The following PEDS1 variants were observed in gnomAD, a reference collection of about 807,000 sequenced individuals.
PEDS1 encodes the protein CarF homolog.
A neutral mutation model predicts 35.2 loss-of-function variants in PEDS1; 14 were observed. That is an observed-to-expected ratio of 0.40 (90% CI 0.26 to 0.62). The LOEUF (loss-of-function observed/expected upper bound fraction) is 0.62. PEDS1 is among the 20% of genes least tolerant of loss of function. The probability of loss-of-function intolerance (pLI) is 0.44; values close to 1 mark genes in which losing one functional copy is unlikely to be tolerated. For missense variants in PEDS1, 260 were observed against 367.8 expected (o/e 0.71, Z 2.40); for synonymous variants, 152 against 152.0 (o/e 1.00, Z 0.00).
Position 50,125,110 on chromosome 20 carries a change from G to A in PEDS1, c.761C>T (p.Thr254Met), listed in dbSNP as rs201575410. The change falls in exon 6 of 6, where the codon ACG becomes ATG. Residue 254 changes from threonine (T) to methionine (M), a missense_variant. This residue lies in a region of PEDS1 where 83 missense variants were observed against 142.8 expected (regional missense o/e 0.58). Coordinates refer to ENST00000371652, the MANE Select transcript of PEDS1 (RefSeq NM_199129.4). ...RRLEDLIQGL[T>M]GEKPRADDMK... is the part of the protein sequence containing the mutation. ...GTCATCTGCCCGAGGCTTCTCGCCCGTCAGGCCCTGGATGAGGTCCTCCAG... is the reference window on the plus strand; with the variant it reads ...GTCATCTGCCCGAGGCTTCTCGCCCATCAGGCCCTGGATGAGGTCCTCCAG... The A allele has an allele frequency of 6.9e-5, 112 of 1,614,030 alleles. No homozygotes were observed. The highest frequency in any genetic ancestry group is 8.8e-5 in the South Asian group (8 of 91,088).
In PEDS1 at chr20:50,122,970, G is replaced by A. The variant is rs1321544936; in HGVS notation, c.*2088C>T. Reference sequence around the variant, plus strand: ...AAAAATAGCCAAGCCAGGTGTGGCGGCATGTGCTAGTCCCAGCCACTCATG... The same window carrying A: ...AAAAATAGCCAAGCCAGGTGTGGCGACATGTGCTAGTCCCAGCCACTCATG... On this transcript the variant is annotated 3_prime_UTR_variant, in exon 6 of 6. Coordinates refer to ENST00000371652, the MANE Select transcript of PEDS1 (RefSeq NM_199129.4). The A allele has an allele frequency of 6.6e-6, 1 of 151,858 alleles. No homozygotes were observed. Among genetic ancestry groups the A allele is most frequent in the Non-Finnish European group, 1.5e-5 (1 of 68,028 alleles). 9.4% of individuals were successfully genotyped at this position (151,858 alleles called of 1,614,324 possible).
intron 2 of PEDS1, among the ~76,000 whole-genome samples, chr20:50,142,684 C>CG (rs1241090015): frequency 1.0e-4 from 7 of 66,910 alleles, no homozygotes; most frequent in South Asian, 9.0e-4. Context: ...AGTCATCCGC[C>CG]CCCCCCCCCC....
chr20:50,146,116 G>C (rs912301405), intron 1 of PEDS1, among the ~76,000 whole-genome samples: 1 of 152,218 alleles, frequency 6.6e-6, no homozygotes, highest in African/African-American at 2.4e-5. Flanking sequence ...GGCCAGGCAG[G>C]TCCCTGTGAA....
Position 50,119,581 on chromosome 20 carries a change from G to A in PEDS1, c.*5477C>T, listed in dbSNP as rs1442610860. 1 of 152,136 alleles carries A rather than the reference G, an allele frequency of 6.6e-6. No homozygotes were observed. The allele number at this position is 152,136 out of a possible 1,614,324, so 9.4% of individuals were successfully genotyped here. ...GTGAAAAAAGGCAAGGTGCAGAACT[G>A]TGTGCATAATATCCTACATATTGTG... On this transcript the variant is annotated 3_prime_UTR_variant, in exon 6 of 6. Transcript: ENST00000371652.
Position 50,141,660 on chromosome 20 carries a change from G to A in PEDS1, c.241+1842C>T, listed in dbSNP as rs2081292712. ...CTCGTAACCATCCCCAGATGAGGCTGCAAAGCTCAGACTGTATTCCTGCCC... is the reference window on the plus strand; with the variant it reads ...CTCGTAACCATCCCCAGATGAGGCTACAAAGCTCAGACTGTATTCCTGCCC... On this transcript the variant is annotated intron_variant, in intron 2 of 5. Coordinates refer to ENST00000371652, the MANE Select transcript of PEDS1 (RefSeq NM_199129.4). 2.0e-5 allele frequency among the ~76,000 whole-genome samples: 3 copies of A among 152,224 alleles called. No individual in the cohort carries two copies. In the South Asian group the frequency reaches 6.2e-4, roughly 31 times the overall value.
Position 50,131,099 on chromosome 20 carries a change from C to T in PEDS1, c.242-152G>A, listed in dbSNP as rs1052090976. 19 of 1,545,518 alleles carry T rather than the reference C, an allele frequency of 1.2e-5. 1 individual carries two copies. In the Admixed American group the frequency reaches 2.7e-4, roughly 22 times the overall value. ...GATGTTTTCTTCCCTGAAGATGGAGCCTCAGGCTTAACACTCCTCCTGCCT... is the reference window on the plus strand; with the variant it reads ...GATGTTTTCTTCCCTGAAGATGGAGTCTCAGGCTTAACACTCCTCCTGCCT... On this transcript the variant is annotated intron_variant, in intron 2 of 5. Coordinates refer to ENST00000371652, the MANE Select transcript of PEDS1 (RefSeq NM_199129.4).
At chr20:50,147,834 C>G (rs183307474) in intron 1 of PEDS1, among the ~76,000 whole-genome samples, 34 of 152,186 alleles carry the variant, frequency 2.2e-4, no homozygotes, top group African/African-American at 7.2e-4. Flanking sequence ...GTGGGCAGAT[C>G]ACGAGGTCAA....
intron 2 of PEDS1, among the ~76,000 whole-genome samples, chr20:50,142,451 A>G (rs2147295214): frequency 6.6e-6 from 1 of 152,186 alleles, no homozygotes; most frequent in African/African-American, 2.4e-5. Flanking sequence ...CAGGCCTGCT[A>G]TTTTGAGACG....
At chr20:50,133,386 C>A (rs1465214314) in intron 2 of PEDS1, among the ~76,000 whole-genome samples, 2 of 152,142 alleles carry the variant, frequency 1.3e-5, no homozygotes, top group Non-Finnish European at 2.9e-5. Context: ...GTGGCAGCTA[C>A]ACCTCCTGGC....
chr20:50,124,848 G>C lies in PEDS1; in HGVS notation c.*210C>G. Reference sequence around the variant, plus strand: ...TGCAGATAGAGCAACTCAGGTGGCTGAGGAGGGGCCGAGGAAAAAAAAAAA... The same window carrying C: ...TGCAGATAGAGCAACTCAGGTGGCTCAGGAGGGGCCGAGGAAAAAAAAAAA... On this transcript the variant is annotated 3_prime_UTR_variant, in exon 6 of 6. Coordinates refer to ENST00000371652, the MANE Select transcript of PEDS1 (RefSeq NM_199129.4). 1.8e-6 allele frequency: 1 copy of C among 571,000 alleles called. No homozygotes were observed. The allele number at this position is 571,000 out of a possible 1,614,324, so 35.4% of individuals were successfully genotyped here.
rs2147265439 is a variant in PEDS1, at chr20:50,125,091, T to C, written c.780A>G (p.Ala260=). The C allele has an allele frequency of 6.2e-7, 1 of 1,614,184 alleles. No individual in the cohort carries two copies. Among genetic ancestry groups the C allele is most frequent in the Non-Finnish European group, 8.5e-7 (1 of 1,180,000 alleles). The change falls in exon 6 of 6, where the codon GCA becomes GCG. Residue 260 remains alanine, a synonymous_variant. Transcript: ENST00000371652. The part of the protein sequence containing the change: ...IQGLTGEKPR[A]DDMKWAQKIK ...TCTTCTGGGCCCATTTCATGTCATC[T>C]GCCCGAGGCTTCTCGCCCGTCAGGC...
At chr20:50,132,481 C>A (rs930654875) in intron 2 of PEDS1, among the ~76,000 whole-genome samples, 4 of 152,296 alleles carry the variant, frequency 2.6e-5, no homozygotes, top group Non-Finnish European at 4.4e-5. Flanking sequence ...CTGGAACATT[C>A]TTTCCTAAGA....
chr20:50,125,521 C>A (rs1344813237), intron 5 of PEDS1, among the ~76,000 whole-genome samples: 1 of 152,028 alleles, frequency 6.6e-6, no homozygotes, highest in Non-Finnish European at 1.5e-5. Context: ...TTAAGCAGCA[C>A]CCCAGGTTTC....
intron 2 of PEDS1, among the ~76,000 whole-genome samples, chr20:50,133,260 G>A (rs1459082474): frequency 6.6e-6 from 1 of 151,790 alleles, no homozygotes; most frequent in African/African-American, 2.4e-5. Context: ...CAGAGGCCCT[G>A]TGGTATCCAT....
chr20:50,151,356 G>T, intron 1 of PEDS1: 1 of 1,215,490 alleles, frequency 8.2e-7, no homozygotes, highest in Non-Finnish European at 1.1e-6. Context: ...AATTGATCGT[G>T]GTGGAGTGGG....
At chr20:50,126,054 G>A (rs933925483) in intron 5 of PEDS1, among the ~76,000 whole-genome samples, 3 of 152,010 alleles carry the variant, frequency 2.0e-5, no homozygotes, top group Non-Finnish European at 4.4e-5. Flanking sequence ...TAGCCTTTAT[G>A]ATAACCTGTA....
intron 2 of PEDS1, among the ~76,000 whole-genome samples, chr20:50,133,641 C>A (rs959577477): frequency 6.6e-6 from 1 of 152,172 alleles, no homozygotes; most frequent in Admixed American, 6.5e-5. Flanking sequence ...TACACAGCAC[C>A]CCACCCCCAC....
rs2081383337 is a variant in PEDS1 at position 50,149,779 on chromosome 20, CACACACTCACCCCTGG to C, written c.121+3722_121+3737del. 2.6e-5 allele frequency among the ~76,000 whole-genome samples: 4 copies of C among 152,312 alleles called. No individual in the cohort carries two copies. In the South Asian group the frequency reaches 8.3e-4, roughly 32 times the overall value. ...ATCCGGAATACTCGCCCCCACCTCC[CACACACTCACCCCTGG>C]CTGGCTGACTTCCATAGTGAAGAGT... On this transcript the variant is annotated intron_variant, in intron 1 of 5. Transcript: ENST00000371652.
At chr20:50,133,355 C>T (rs1377155643) in intron 2 of PEDS1, among the ~76,000 whole-genome samples, 2 of 152,006 alleles carry the variant, frequency 1.3e-5, no homozygotes, top group Non-Finnish European at 2.9e-5. Flanking sequence ...GGGATAAGGG[C>T]GGAAGGGCAG....
Sources: gnomAD v4.1 joint callset for allele counts (sites outside exome capture counted in the v4.1 genomes callset) on GRCh38, gnomAD v4.1.1 for gene constraint, gnomAD v4.1.1 regional missense constraint, MANE v1.5 for transcripts, NCBI Gene and HGNC (gene_info 2026-07-23, HGNC 2026-07-21) for gene names.